The following SLC35F3 variants were observed in gnomAD, a reference collection of about 807,000 sequenced individuals.
SLC35F3 encodes putative thiamine transporter SLC35F3.
A neutral mutation model predicts 49.9 loss-of-function variants in SLC35F3; 25 were observed. The observed-to-expected ratio is 0.50, with a 90% CI of 0.37 to 0.70. The LOEUF is 0.70. Ranked by LOEUF, SLC35F3 falls within the 30% of genes least tolerant of loss-of-function variation. The pLI, the probability that SLC35F3 is intolerant of heterozygous loss-of-function variation, is 0.00. For missense variants in SLC35F3, 525 were observed against 639.8 expected (o/e 0.82, Z 1.94); for synonymous variants, 275 against 265.4 (o/e 1.04, Z -0.35).
chr1:234,286,062 A>G (rs1479064736), intron 3 of SLC35F3, among the ~76,000 whole-genome samples: 1 of 152,214 alleles, frequency 6.6e-6, no homozygotes, highest in Non-Finnish European at 1.5e-5. Context: ...AATGACACAA[A>G]ATCAGAGAGC....
chr1:234,200,780 A>T (rs1378582847), intron 2 of SLC35F3, among the ~76,000 whole-genome samples: 1 of 152,202 alleles, frequency 6.6e-6, no homozygotes, highest in African/African-American at 2.4e-5. Flanking sequence ...GGCAGGTCCC[A>T]TCAATCTAAA....
At chr1:234,066,280 A>G (rs536209269) in intron 2 of SLC35F3, among the ~76,000 whole-genome samples, 104 of 152,172 alleles carry the variant, frequency 6.8e-4, no homozygotes, top group African/African-American at 2.4e-3. Flanking sequence ...CTCCTCTGCT[A>G]TAGCGATTCC....
chr1:234,252,718 G>C (rs550489786), intron 3 of SLC35F3, among the ~76,000 whole-genome samples: 4 of 152,334 alleles, frequency 2.6e-5, no homozygotes, highest in Admixed American at 2.6e-4. Flanking sequence ...TTGATAATAT[G>C]CCATGTTAGC....
intron 2 of SLC35F3, among the ~76,000 whole-genome samples, chr1:233,943,718 G>C (rs1420756957): frequency 6.6e-6 from 1 of 152,188 alleles, no homozygotes; most frequent in East Asian, 1.9e-4. Context: ...ATAAGGAAAT[G>C]AAAGGAAAGG....
At chr1:233,981,529 G>C (rs910834374) in intron 2 of SLC35F3, among the ~76,000 whole-genome samples, 10 of 152,128 alleles carry the variant, frequency 6.6e-5, no homozygotes, top group Non-Finnish European at 1.5e-4. Context: ...CAACAGCGTG[G>C]ATGTGTCACA....
intron 2 of SLC35F3, among the ~76,000 whole-genome samples, chr1:234,153,939 T>C (rs1572072293): frequency 6.6e-6 from 1 of 151,980 alleles, no homozygotes; most frequent in Non-Finnish European, 1.5e-5. Context: ...GGCAGGCGCC[T>C]GTAGTCCCAG....
intron 2 of SLC35F3, among the ~76,000 whole-genome samples, chr1:234,155,395 G>GATT (rs71583784): frequency 0.14 from 21,203 of 149,178 alleles, 2,407 homozygotes; most frequent in African/African-American, 0.32. Context: ...CTATTCACCT[G>GATT]ATTATTATTA....
At chr1:234,029,343 G>T (rs1664024324) in intron 2 of SLC35F3, among the ~76,000 whole-genome samples, 1 of 152,326 alleles carries the variant, frequency 6.6e-6, no homozygotes, top group East Asian at 1.9e-4. Context: ...AGATGGCACA[G>T]GCTGTGAGAC....
intron 5 of SLC35F3, among the ~76,000 whole-genome samples, chr1:234,318,456 G>A (rs1657541629): frequency 6.6e-6 from 1 of 152,286 alleles, no homozygotes; most frequent in East Asian, 1.9e-4. Flanking sequence ...CATGGCAGAT[G>A]TTTTTTAGTG....
chr1:234,044,627 T>C (rs868643271), intron 2 of SLC35F3, among the ~76,000 whole-genome samples: 7 of 152,352 alleles, frequency 4.6e-5, no homozygotes, highest in Middle Eastern at 3.4e-3. Flanking sequence ...CAATTTTTGG[T>C]CAATTTCAAG....
Position 234,214,169 on chromosome 1 carries a change from A to C in SLC35F3, c.284-17248A>C, listed in dbSNP as rs1667079650. ...CTGGGCGTCCCGGGGAGGAGGGCGG[A>C]GCAGGTGAGCTGCGGGGTGGGAGCA... is the stretch of plus-strand genomic sequence containing the variant. On this transcript the variant is annotated intron_variant, in intron 2 of 7. Transcript: ENST00000366618. The surrounding 1 kb of genome is among the most constrained non-coding windows in gnomAD (Gnocchi z 8.0). 9.3e-7 allele frequency: 1 copy of C among 1,076,822 alleles called. No individual in the cohort carries two copies. The highest frequency in any genetic ancestry group is 1.7e-5 in the African/African-American group (1 of 59,626). The allele number at this position is 1,076,822 out of a possible 1,614,324, so 66.7% of individuals were successfully genotyped here.
At chr1:234,202,237 C>T (rs1175712893) in intron 2 of SLC35F3, among the ~76,000 whole-genome samples, 2 of 151,982 alleles carry the variant, frequency 1.3e-5, no homozygotes, top group Non-Finnish European at 1.5e-5. Context: ...ACAACACATA[C>T]TAGGGTCTGT....
intron 2 of SLC35F3, among the ~76,000 whole-genome samples, chr1:234,173,852 AAG>A (rs1328647380): frequency 6.6e-6 from 1 of 152,202 alleles, no homozygotes; most frequent in Admixed American, 6.5e-5. Flanking sequence ...TGCTGAGGAC[AAG>A]AGTTTCCTCC....
In SLC35F3 at chr1:233,951,021, G is replaced by A. The variant is rs1283465869; in HGVS notation, c.283+45263G>A. On this transcript the variant is annotated intron_variant, in intron 2 of 7. Coordinates refer to ENST00000366618, the MANE Select transcript of SLC35F3 (RefSeq NM_173508.4). The stretch of plus-strand genomic sequence containing the variant: ...CTCCCTGGACAGTTTGAGAAGGAAG[G>A]AGAAGTGGAGAGTGGGGTCCAATTT... 2.0e-5 allele frequency among the ~76,000 whole-genome samples: 3 copies of A among 152,052 alleles called. No individual in the cohort carries two copies. In the East Asian group the frequency reaches 5.8e-4, roughly 29 times the overall value.
At chr1:234,172,514 A>C (rs944202737) in intron 2 of SLC35F3, among the ~76,000 whole-genome samples, 5 of 152,230 alleles carry the variant, frequency 3.3e-5, no homozygotes, top group African/African-American at 1.2e-4. Flanking sequence ...GGTGTGAGGC[A>C]CCTGGCCGAA....
In SLC35F3 at chr1:233,956,240, A is replaced by G. The variant is rs771165535; in HGVS notation, c.283+50482A>G. ...TTAAAAGTTGAGTGTGACTTCTCCT[A>G]TTGCTCTAGAATTGGTAGCAGAGTC... On this transcript the variant is annotated intron_variant, in intron 2 of 7. Transcript: ENST00000366618. Among the ~76,000 whole-genome samples, 48 of 152,208 alleles carry G rather than the reference A, an allele frequency of 3.2e-4. No individual in the cohort carries two copies. In the Middle Eastern group the frequency reaches 0.01, roughly 32 times the overall value.
intron 2 of SLC35F3, among the ~76,000 whole-genome samples, chr1:233,999,069 A>G (rs1330643313): frequency 6.6e-6 from 1 of 152,152 alleles, no homozygotes; most frequent in Non-Finnish European, 1.5e-5. Context: ...TTATTACTAC[A>G]TAGCAAGCAT....
At chr1:234,265,188 T>C (rs1263464924) in intron 3 of SLC35F3, among the ~76,000 whole-genome samples, 2 of 152,188 alleles carry the variant, frequency 1.3e-5, no homozygotes, top group Admixed American at 1.3e-4. Flanking sequence ...GAATAGCAAG[T>C]AGACATCTCA....
intron 2 of SLC35F3, among the ~76,000 whole-genome samples, chr1:234,089,503 G>A (rs1249078470): frequency 1.3e-5 from 2 of 152,244 alleles, no homozygotes; most frequent in Non-Finnish European, 2.9e-5. Context: ...ACCCTGCAGT[G>A]TCTTCACATC....
Sources: gnomAD v4.1 joint callset for allele counts (sites outside exome capture counted in the v4.1 genomes callset) on GRCh38, gnomAD v4.1.1 for gene constraint, Gnocchi (gnomAD v3.1) non-coding constraint, MANE v1.5 for transcripts, NCBI Gene and HGNC (gene_info 2026-07-23, HGNC 2026-07-21) for gene names.